The following ETFB variants were observed in gnomAD, a reference collection of about 807,000 sequenced individuals.
ETFB encodes the protein beta-ETF.
ETFB carries 20 observed loss-of-function variants against 25.6 expected under a neutral mutation model. The ratio of observed to expected loss-of-function variants is 0.78; its 90% CI spans 0.55 to 1.14. The LOEUF (loss-of-function observed/expected upper bound fraction) is 1.14, where lower values mean the gene tolerates loss of function less well. Among genes scored for constraint, ETFB ranks in the 50% most tolerant of loss-of-function variants. The pLI is 0.00. For synonymous variants in ETFB, 142 were observed against 146.7 expected (o/e 0.97, Z 0.23); for missense variants, 286 against 342.6 (o/e 0.83, Z 1.30).
intron 1 of ETFB, among the ~76,000 whole-genome samples, chr19:51,362,516 A>G (rs1986258005): frequency 6.6e-6 from 1 of 152,148 alleles, no homozygotes; most frequent in African/African-American, 2.4e-5. Context: ...TGGAGGTTCC[A>G]GTGAGCTGAG....
intron 4 of ETFB, 55 bp from the exon 5 acceptor site, chr19:51,347,113 G>A (rs1485830444): frequency 3.5e-5 from 56 of 1,585,972 alleles, no homozygotes; most frequent in East Asian, 1.3e-4. Context: ...GGTCCGACCC[G>A]AGCAGTCTGC....
At chr19:51,352,712 C>T (rs901830665) in intron 3 of ETFB, among the ~76,000 whole-genome samples, 6 of 152,176 alleles carry the variant, frequency 3.9e-5, no homozygotes, top group African/African-American at 1.4e-4. Context: ...ACTGCAACCT[C>T]CGCCTCCCAG....
At chr19:51,365,024 C>T (rs1478619949) in intron 1 of ETFB, 1 of 152,118 alleles carries the variant, frequency 6.6e-6, no homozygotes, top group African/African-American at 2.4e-5. Flanking sequence ...GAAACCCCAT[C>T]TCTACTAAAA....
chr19:51,359,111 G>A (rs1248519700), intron 1 of ETFB, among the ~76,000 whole-genome samples: 3 of 152,000 alleles, frequency 2.0e-5, no homozygotes, highest in South Asian at 2.1e-4. Context: ...GAGTGCAGAG[G>A]TGCCACCTTG....
chr19:51,351,419 G>A (rs1320443090), intron 3 of ETFB, among the ~76,000 whole-genome samples: 1 of 152,222 alleles, frequency 6.6e-6, no homozygotes, highest in Non-Finnish European at 1.5e-5. Context: ...TCGCTTTCTG[G>A]CTTAAGCCAG....
chr19:51,363,647 C>T (rs564207560), intron 1 of ETFB, among the ~76,000 whole-genome samples: 30 of 152,192 alleles, frequency 2.0e-4, no homozygotes, highest in Admixed American at 7.2e-4. Context: ...TGGGGTTTCA[C>T]CATGTTGGCC....
At chr19:51,351,436 T>C (rs558906441) in intron 3 of ETFB, among the ~76,000 whole-genome samples, 37 of 152,316 alleles carry the variant, frequency 2.4e-4, no homozygotes, top group African/African-American at 8.9e-4. Flanking sequence ...CCAGTTTGAG[T>C]TGTGAATCTG....
rs78219415 is a variant in ETFB at position 51,360,492 on chromosome 19, C to T, written c.57+5778G>A. ...GTCAAGGGTTTTATATGCATTAACT[C>T]GTTTGACCATCCTAGTAGCCTGTGA... On this transcript the variant is annotated intron_variant, in intron 1 of 5. Transcript: ENST00000309244. Among the ~76,000 whole-genome samples the T allele has an allele frequency of 7.0e-3, 1,065 of 152,224 alleles. 11 individuals are homozygous for T. Among genetic ancestry groups the T allele is most frequent in the African/African-American group, 0.024 (1,013 of 41,546 alleles).
intron 4 of ETFB, 108 bp from the exon 5 acceptor site, chr19:51,347,166 A>C: frequency 3.5e-6 from 4 of 1,148,606 alleles, no homozygotes; most frequent in Non-Finnish European, 3.8e-6. Context: ...TGAATGAATG[A>C]GGGAGCGAAC....
intron 1 of ETFB, among the ~76,000 whole-genome samples, chr19:51,366,065 G>A (rs188287769): frequency 6.6e-6 from 1 of 152,292 alleles, no homozygotes; most frequent in East Asian, 1.9e-4. Context: ...CCAGAACGAG[G>A]GAAAAGAGAA....
At chr19:51,352,341 A>C (rs1290066162) in intron 3 of ETFB, among the ~76,000 whole-genome samples, 4 of 152,084 alleles carry the variant, frequency 2.6e-5, no homozygotes, top group African/African-American at 4.8e-5. Flanking sequence ...CTGTCTCCTG[A>C]ACCTGCATCG....
intron 1 of ETFB, among the ~76,000 whole-genome samples, chr19:51,358,767 C>A (rs1232900531): frequency 6.6e-6 from 1 of 151,916 alleles, no homozygotes; most frequent in Admixed American, 6.6e-5. Context: ...CAAGATTGCG[C>A]CACGGCACTC....
intron 1 of ETFB, among the ~76,000 whole-genome samples, chr19:51,362,273 CT>C (rs1986252625): frequency 6.6e-6 from 1 of 152,038 alleles, no homozygotes; most frequent in South Asian, 2.1e-4. Flanking sequence ...ATTACTACTA[CT>C]CCCAATAAAA....
rs140608276 is a variant in ETFB, at chr19:51,354,404, C to T, written c.58-96G>A. The T allele has an allele frequency of 4.7e-3, 7,525 of 1,613,986 alleles. 27 individuals are homozygous for T. The highest frequency in any genetic ancestry group is 5.3e-3 in the Non-Finnish European group (6,208 of 1,179,868). On this transcript the variant is annotated intron_variant, in intron 1 of 5. Coordinates refer to ENST00000309244, the MANE Select transcript of ETFB (RefSeq NM_001985.3). ...CCTCTCCCAGGCTGGATGAGGACAA[C>T]GACAGCCTGGAAAGGGGCAGGGCCT...
In ETFB at chr19:51,366,338, A is replaced by G; in HGVS notation, c.-12T>C. 6.2e-7 allele frequency: 1 copy of G among 1,612,382 alleles called. No individual in the cohort carries two copies. The highest frequency in any genetic ancestry group is 1.1e-5 in the South Asian group (1 of 90,948). ...CGCAGCTCCGCCATCTTCCCGCCGC[A>G]GCCACTTACAGGGTCAGCCCGCACC... On this transcript the variant is annotated 5_prime_UTR_variant, in exon 1 of 6. Transcript: ENST00000309244.
chr19:51,358,894 G>A (rs1403287322), intron 1 of ETFB, among the ~76,000 whole-genome samples: 1 of 151,854 alleles, frequency 6.6e-6, no homozygotes, highest in African/African-American at 2.4e-5. Flanking sequence ...AGCTACTCAG[G>A]AGGCTGAGGC....
chr19:51,351,411 G>A (rs1262685212), intron 3 of ETFB, among the ~76,000 whole-genome samples: 3 of 152,200 alleles, frequency 2.0e-5, no homozygotes, highest in Non-Finnish European at 4.4e-5. Context: ...TAATAAATTC[G>A]CTTTCTGGCT....
rs140614695 is a variant in ETFB at position 51,346,998 on chromosome 19, C to T, written c.499G>A (p.Asp167Asn). 58 of 1,612,310 alleles carry T rather than the reference C, an allele frequency of 3.6e-5. No homozygotes were observed. The highest frequency in any genetic ancestry group is 1.6e-4 in the East Asian group (7 of 44,844). Residue 167 changes from aspartate (D) to asparagine (N), a missense_variant, in exon 5 of 6, where the codon GAT (aspartate) becomes AAT (asparagine). Physicochemically the swap from Asp to Asn is conservative, Grantham distance 23. Transcript: ENST00000309244. ...GDKLKVEREI[D>N]GGLETLRLKL... ...AGGCGCAGGGTCTCCAGGCCCCCAT[C>T]GATCTCCCGCTCCACTTTCAACTTG... is the stretch of plus-strand genomic sequence containing the variant.
In ETFB at chr19:51,359,104, T is replaced by C. The variant is rs10409313; in HGVS notation, c.58-4796A>G. ...ATCTCTCTCGTTGCCCAGGCTGGAG[T>C]GCAGAGGTGCCACCTTGCCTTACTG... On this transcript the variant is annotated intron_variant, in intron 1 of 5. Coordinates refer to ENST00000309244, the MANE Select transcript of ETFB (RefSeq NM_001985.3). Among the ~76,000 whole-genome samples, 1,476 of 151,826 alleles carry C rather than the reference T, an allele frequency of 9.7e-3. 24 individuals carry two copies. Among genetic ancestry groups the C allele is most frequent in the African/African-American group, 0.033 (1,376 of 41,402 alleles).
Sources: gnomAD v4.1 joint callset for allele counts (sites outside exome capture counted in the v4.1 genomes callset) on GRCh38, gnomAD v4.1.1 for gene constraint, MANE v1.5 for transcripts, NCBI Gene and HGNC (gene_info 2026-07-23, HGNC 2026-07-21) for gene names.